The following PHLPP1 variants were observed in gnomAD, a reference collection of about 807,000 sequenced individuals.
PHLPP1 encodes PH domain leucine-rich repeat-containing protein phosphatase 1.
In PHLPP1, 42 loss-of-function variants were observed where a neutral mutation model predicts 117.2. The observed-to-expected ratio is 0.36, with a 90% CI of 0.28 to 0.46. The LOEUF (loss-of-function observed/expected upper bound fraction) is 0.46, where lower values mean the gene tolerates loss of function less well. Ranked by LOEUF, PHLPP1 falls within the 20% of genes least tolerant of loss-of-function variation. PHLPP1 has a pLI of 1.00. For synonymous variants in PHLPP1, 1,042 were observed against 970.7 expected (o/e 1.07, Z -1.37); for missense variants, 2,084 against 2,241.9 (o/e 0.93, Z 1.42).
chr18:62,756,014 A>G (rs1355293921), intron 1 of PHLPP1, among the ~76,000 whole-genome samples: 1 of 144,626 alleles, frequency 6.9e-6, no homozygotes, highest in Non-Finnish European at 1.5e-5. Flanking sequence ...CCAAGTGAGA[A>G]CACAGATTAA....
At chr18:62,730,655 C>G (rs1313933191) in intron 1 of PHLPP1, among the ~76,000 whole-genome samples, 1 of 151,908 alleles carries the variant, frequency 6.6e-6, no homozygotes, top group East Asian at 1.9e-4. Context: ...AACCCTGTCA[C>G]TACTAAAAAT....
In PHLPP1 at chr18:62,812,573, T is replaced by C. The variant is rs567593329; in HGVS notation, c.1577-17462T>C. Among the ~76,000 whole-genome samples the C allele has an allele frequency of 1.9e-4, 29 of 152,072 alleles. No individual in the cohort carries two copies. In the South Asian group the frequency reaches 5.6e-3, roughly 29 times the overall value. ...AGGCCTCTAAATCCTCATGACAGAG[T>C]GTAATTGGTAATTTTTCTGAGGCTG... On this transcript the variant is annotated intron_variant, in intron 1 of 16. Transcript: ENST00000262719.
chr18:62,958,750 A>G lies in PHLPP1; in HGVS notation c.3446A>G (p.Glu1149Gly). 1.9e-6 allele frequency: 3 copies of G among 1,614,000 alleles called. No homozygotes were observed. The highest frequency in any genetic ancestry group is 2.5e-6 in the Non-Finnish European group (3 of 1,179,876). ...CTTGTCCTTGATCACAAAACCCTGG[A>G]ACTACTGAAGTAAGTATTCTGTAAA... ...PRLVLDHKTL[E>G]LLNNIRCFKI... The change falls in exon 13 of 17, where the codon GAA becomes GGA. Residue 1149 changes from glutamate to glycine, a missense_variant. Glu to Gly is a moderately conservative substitution (Grantham distance 98). This residue lies in a region of PHLPP1 where 1,365 missense variants were observed against 1,605.9 expected (regional missense o/e 0.85). Coordinates refer to ENST00000262719, the MANE Select transcript of PHLPP1 (RefSeq NM_194449.4).
rs146431172 is a variant in PHLPP1, at chr18:62,913,783, G to T, written c.2709-1130G>T. On this transcript the variant is annotated intron_variant, in intron 8 of 16. Transcript: ENST00000262719. ...TTTGAGACAGAGTTTCGCTCTTGTTGCCCAGTCTGGAGTGCAATGGTGTGA... is the reference window on the plus strand; with the variant it reads ...TTTGAGACAGAGTTTCGCTCTTGTTTCCCAGTCTGGAGTGCAATGGTGTGA... Among the ~76,000 whole-genome samples, 818 of 103,358 alleles carry T rather than the reference G, an allele frequency of 7.9e-3. 13 individuals are homozygous for T. Among genetic ancestry groups the T allele is most frequent in the African/African-American group, 0.029 (759 of 26,488 alleles). The allele number at this position is 103,358 out of a possible 152,430, so 67.8% of individuals were successfully genotyped here.
intron 9 of PHLPP1, among the ~76,000 whole-genome samples, chr18:62,918,425 G>A (rs1322963095): frequency 5.3e-5 from 4 of 76,102 alleles, no homozygotes; most frequent in South Asian, 3.6e-4. Context: ...TGTGGTAAAG[G>A]ATAAATATAT....
chr18:62,978,505 G>A lies in PHLPP1; in HGVS notation c.4228G>A (p.Gly1410Ser), dbSNP rs74737053. 4.4e-6 allele frequency: 7 copies of A among 1,608,180 alleles called. No individual in the cohort carries two copies. The East Asian group carries it at 6.7e-5, about 15-fold the overall frequency. The change falls in exon 17 of 17, where the codon GGC (glycine) becomes AGC (serine). Residue 1410 changes from glycine (G) to serine (S), a missense_variant. This residue lies in a region of PHLPP1 where 1,365 missense variants were observed against 1,605.9 expected (regional missense o/e 0.85). Transcript: ENST00000262719. The surrounding 1 kb of genome is among the most constrained non-coding windows in gnomAD (Gnocchi z 7.0). ...KKLCTLAQSY[G>S]CHDSISAVVV... Reference sequence around the variant, plus strand: ...GCTGTGTACCCTGGCCCAGAGCTACGGCTGCCACGACAGCATCAGCGCTGT... The same window carrying A: ...GCTGTGTACCCTGGCCCAGAGCTACAGCTGCCACGACAGCATCAGCGCTGT...
intron 1 of PHLPP1, among the ~76,000 whole-genome samples, chr18:62,783,785 G>T (rs1382344609): frequency 6.6e-6 from 1 of 152,000 alleles, no homozygotes; most frequent in African/African-American, 2.4e-5. Context: ...GTTTCTTATG[G>T]GGTGAAATGA....
At chr18:62,838,057 G>GA (rs36069868) in intron 2 of PHLPP1, 2 of 149,896 alleles carry the variant, frequency 1.3e-5, no homozygotes, top group Non-Finnish European at 3.0e-5. Flanking sequence ...GAGTTCAATT[G>GA]AAAAAAATAT....
chr18:62,922,912 T>C (rs535618239), intron 10 of PHLPP1, among the ~76,000 whole-genome samples: 14 of 152,330 alleles, frequency 9.2e-5, no homozygotes, highest in Non-Finnish European at 1.5e-5. Context: ...ACTGCCTTCA[T>C]TGTTGGCTTT....
intron 1 of PHLPP1, among the ~76,000 whole-genome samples, chr18:62,801,417 T>C (rs1913779203): frequency 6.6e-6 from 1 of 151,850 alleles, no homozygotes; most frequent in Non-Finnish European, 1.5e-5. Flanking sequence ...TTTTGCCTGG[T>C]AGGTTTGATG....
At chr18:62,810,987 A>ATT (rs1400417849) in intron 1 of PHLPP1, among the ~76,000 whole-genome samples, 1 of 152,208 alleles carries the variant, frequency 6.6e-6, no homozygotes, top group Non-Finnish European at 1.5e-5. Flanking sequence ...CCTAAATCTA[A>ATT]TTACTGGTCC....
intron 5 of PHLPP1, among the ~76,000 whole-genome samples, 200 bp downstream of exon 5, chr18:62,895,357 A>C (rs576735821): frequency 2.0e-5 from 3 of 152,358 alleles, no homozygotes; most frequent in Non-Finnish European, 4.4e-5. Context: ...AAAAAATTAA[A>C]TATTCTTGTT....
Position 62,811,067 on chromosome 18 carries a change from G to A in PHLPP1, c.1577-18968G>A, listed in dbSNP as rs140224190. ...GATGTGAAGACAGAGGCAAGGATTG[G>A]AAAAACCTATTGGTGTTTTGCTGGG... is the stretch of plus-strand genomic sequence containing the variant. On this transcript the variant is annotated intron_variant, in intron 1 of 16. Transcript: ENST00000262719. 9.6e-3 allele frequency among the ~76,000 whole-genome samples: 1,457 copies of A among 152,296 alleles called. 8 individuals carry two copies. Among genetic ancestry groups the A allele is most frequent in the Admixed American group, 0.015 (234 of 15,296 alleles).
rs373891695 is a variant in PHLPP1 at position 62,941,702 on chromosome 18, C to T, written c.2961-16C>T. 21 of 1,595,528 alleles carry T rather than the reference C, an allele frequency of 1.3e-5. No homozygotes were observed. Among genetic ancestry groups the T allele is most frequent in the Non-Finnish European group, 1.5e-5 (17 of 1,166,606 alleles). ...GTGACTTTTCAATGGCATTTTGTTG[C>T]GTTTTGTCATTGTAGCCTGAGATTC... On this transcript the variant is annotated splice_polypyrimidine_tract_variant and intron_variant, in intron 10 of 16. Coordinates refer to ENST00000262719, the MANE Select transcript of PHLPP1 (RefSeq NM_194449.4).
chr18:62,906,526 AGTCAAAGAAAG>A (rs1311659653), intron 8 of PHLPP1: 2 of 138,736 alleles, frequency 1.4e-5, no homozygotes, highest in African/African-American at 5.4e-5. Flanking sequence ...TCCCTTTCCG[AGTCAAAGAAAG>A]GGGTGACGGA....
chr18:62,940,873 G>A (rs1055536696), intron 10 of PHLPP1, among the ~76,000 whole-genome samples: 4 of 152,124 alleles, frequency 2.6e-5, no homozygotes, highest in African/African-American at 7.2e-5. Flanking sequence ...TATTTGAAAC[G>A]TTACACGCCG....
chr18:62,942,350 A>G (rs1910153722), intron 11 of PHLPP1, among the ~76,000 whole-genome samples: 1 of 152,176 alleles, frequency 6.6e-6, no homozygotes, highest in Admixed American at 6.5e-5. Flanking sequence ...GTGAGACCCT[A>G]TCTATTAAAA....
chr18:62,898,461 T>C (rs1239857012), intron 6 of PHLPP1, among the ~76,000 whole-genome samples: 1 of 152,158 alleles, frequency 6.6e-6, no homozygotes, highest in African/African-American at 2.4e-5. Flanking sequence ...CCTGAGCCAT[T>C]TGCTTCCATT....
At chr18:62,827,943 C>A (rs1914654500) in intron 1 of PHLPP1, among the ~76,000 whole-genome samples, 1 of 151,784 alleles carries the variant, frequency 6.6e-6, no homozygotes, top group Admixed American at 6.6e-5. Context: ...ATAAATGTGA[C>A]AGGTTAACAA....
Sources: allele counts gnomAD v4.1 joint callset (sites outside exome capture counted in the v4.1 genomes callset), GRCh38; gene constraint gnomAD v4.1.1; regional missense constraint gnomAD v4.1.1; non-coding constraint Gnocchi (gnomAD v3.1); transcripts MANE v1.5; gene names NCBI Gene and HGNC (gene_info 2026-07-23, HGNC 2026-07-21).